SDK1: variants seen among roughly 807,000 people sequenced by gnomAD.
The protein encoded by SDK1 is protein sidekick-1.
SDK1 carries 157 observed loss-of-function variants against 245.5 expected under a neutral mutation model. That is an observed-to-expected ratio of 0.64 (90% confidence interval 0.56 to 0.73). SDK1 has a LOEUF of 0.73. Among genes scored for constraint, SDK1 ranks in the 30% least tolerant of loss-of-function variants. SDK1 has a pLI of 0.00. For synonymous variants in SDK1, 1,647 were observed against 1,278.5 expected (o/e 1.29, Z -6.15); for missense variants, 3,583 against 3,002.3 (o/e 1.19, Z -4.52).
intron 1 of SDK1, among the ~76,000 whole-genome samples, chr7:3,498,918 G>A (rs1782107608): frequency 6.6e-6 from 1 of 152,116 alleles, no homozygotes; most frequent in Admixed American, 6.6e-5. Context: ...GGGCATAAGG[G>A]CAAGTAAGCA....
intron 4 of SDK1, among the ~76,000 whole-genome samples, chr7:3,817,825 G>T (rs1353596148): frequency 2.0e-5 from 3 of 152,186 alleles, no homozygotes; most frequent in Admixed American, 2.0e-4. Context: ...CCTCAGGAGA[G>T]TGTTGGAGAA....
chr7:3,634,679 C>T (rs1433410722), intron 2 of SDK1, among the ~76,000 whole-genome samples: 2 of 152,176 alleles, frequency 1.3e-5, no homozygotes, highest in Non-Finnish European at 2.9e-5. Context: ...TGAATATTCC[C>T]ATCTGTTAGG....
intron 22 of SDK1, among the ~76,000 whole-genome samples, chr7:4,094,791 C>G (rs1391400927): frequency 1.3e-5 from 2 of 152,156 alleles, no homozygotes; most frequent in African/African-American, 2.4e-5. Context: ...AGCCTAAGAC[C>G]TGACCTCTCC....
intron 14 of SDK1, among the ~76,000 whole-genome samples, chr7:3,998,754 G>A (rs1784859557): frequency 1.3e-5 from 2 of 152,210 alleles, no homozygotes; most frequent in Non-Finnish European, 2.9e-5. Context: ...ATGTGCGGGA[G>A]GAACAACACC....
At chr7:3,961,589 G>C (rs895052241) in intron 8 of SDK1, among the ~76,000 whole-genome samples, 1 of 152,184 alleles carries the variant, frequency 6.6e-6, no homozygotes, top group Non-Finnish European at 1.5e-5. Context: ...AGCTTTTCCT[G>C]TATCCACAAT....
rs949522243 is a variant in SDK1 at position 3,823,561 on chromosome 7, G to C, written c.847+1978G>C. Among the ~76,000 whole-genome samples the C allele has an allele frequency of 2.6e-5, 4 of 152,300 alleles. 1 individual carries two copies. The East Asian group carries it at 7.7e-4, about 29-fold the overall frequency. ...GTACTAGCGTAATACCATGGTGTTA[G>C]ATAATTGGAATATGTAAATTTTTTT... On this transcript the variant is annotated intron_variant, in intron 5 of 44. Transcript: ENST00000404826.
intron 19 of SDK1, among the ~76,000 whole-genome samples, chr7:4,053,260 C>T (rs549626901): frequency 9.2e-5 from 14 of 152,036 alleles, no homozygotes; most frequent in East Asian, 1.9e-4. Context: ...CCAGCCTCAC[C>T]GCACTCCCAG....
At chr7:4,084,340 A>T (rs2128180783) in intron 22 of SDK1, among the ~76,000 whole-genome samples, 1 of 152,172 alleles carries the variant, frequency 6.6e-6, no homozygotes, top group South Asian at 2.1e-4. Context: ...GGTTTCAGTC[A>T]CCTGCAGTCA....
At chr7:3,494,802 CTG>C (rs1781973497) in intron 1 of SDK1, among the ~76,000 whole-genome samples, 1 of 152,180 alleles carries the variant, frequency 6.6e-6, no homozygotes, top group Admixed American at 6.5e-5. Flanking sequence ...TGCTGTGTAA[CTG>C]AGGGATTTCT....
intron 23 of SDK1, 76 bp from the exon 24 acceptor site, chr7:4,113,213 C>T (rs1407943234): frequency 6.7e-7 from 1 of 1,488,624 alleles, no homozygotes; most frequent in African/African-American, 1.4e-5. Context: ...GAGAAACAGT[C>T]AGCGCCTTTG....
chr7:4,267,375 G>T lies in SDK1; in HGVS notation c.*1991G>T. 1 of 984,636 alleles carries T rather than the reference G, an allele frequency of 1.0e-6. No homozygotes were observed. The highest frequency in any genetic ancestry group is 1.2e-6 in the Non-Finnish European group (1 of 829,694). The allele number at this position is 984,636 out of a possible 1,614,324, so 61.0% of individuals were successfully genotyped here. ...TCTCCTCCTTTTTCTGAGTGGAGGGGGAAATATTCTAAACCAAAAATCCTA... is the reference window on the plus strand; with the variant it reads ...TCTCCTCCTTTTTCTGAGTGGAGGGTGAAATATTCTAAACCAAAAATCCTA... On this transcript the variant is annotated 3_prime_UTR_variant, in exon 45 of 45. Coordinates refer to ENST00000404826, the MANE Select transcript of SDK1 (RefSeq NM_152744.4).
chr7:3,520,552 T>C (rs1205001214), intron 1 of SDK1, among the ~76,000 whole-genome samples: 2 of 152,232 alleles, frequency 1.3e-5, no homozygotes, highest in Non-Finnish European at 2.9e-5. Flanking sequence ...CTCTTACTTA[T>C]ATCAAAAGCA....
chr7:3,405,030 G>GGTGT (rs1283402948), intron 1 of SDK1, among the ~76,000 whole-genome samples: 2 of 151,984 alleles, frequency 1.3e-5, no homozygotes, highest in Non-Finnish European at 2.9e-5. Flanking sequence ...GTTGCCAGAG[G>GGTGT]GTGTGGGTTC....
chr7:3,606,826 T>C (rs1781440267), intron 1 of SDK1, among the ~76,000 whole-genome samples: 1 of 150,920 alleles, frequency 6.6e-6, no homozygotes, highest in Admixed American at 6.7e-5. Context: ...TCTGTTATTA[T>C]TCTGTATGTG....
chr7:4,007,244 C>G (rs1785551093), intron 14 of SDK1, among the ~76,000 whole-genome samples: 1 of 152,144 alleles, frequency 6.6e-6, no homozygotes, highest in South Asian at 2.1e-4. Flanking sequence ...ACCACTGTTA[C>G]CGGGGGCTGG....
intron 13 of SDK1, among the ~76,000 whole-genome samples, chr7:3,975,951 T>C (rs1782917427): frequency 7.2e-6 from 1 of 138,914 alleles, no homozygotes; most frequent in African/African-American, 2.7e-5. Flanking sequence ...GGGCTGAGGC[T>C]GCCACGCAGA....
chr7:4,174,154 T>TGA, intron 32 of SDK1, 68 bp from the exon 33 acceptor site: 4 of 1,568,260 alleles, frequency 2.6e-6, no homozygotes, highest in Non-Finnish European at 3.5e-6. Flanking sequence ...GGGGTGGAGG[T>TGA]GAGCCCTGCT....
intron 4 of SDK1, among the ~76,000 whole-genome samples, chr7:3,817,834 A>T (rs1278339256): frequency 6.6e-6 from 1 of 152,148 alleles, no homozygotes; most frequent in East Asian, 1.9e-4. Context: ...AGTGTTGGAG[A>T]ATCAAGTGAA....
At chr7:3,900,590 C>G (rs10281829) in intron 5 of SDK1, among the ~76,000 whole-genome samples, 2,254 of 152,248 alleles carry the variant, frequency 0.015, 63 homozygotes, top group African/African-American at 0.052. Context: ...TTTATTTACC[C>G]TCCCTCTCTT....
Sources: allele counts gnomAD v4.1 joint callset (sites outside exome capture counted in the v4.1 genomes callset), GRCh38; gene constraint gnomAD v4.1.1; transcripts MANE v1.5; gene names NCBI Gene and HGNC (gene_info 2026-07-23, HGNC 2026-07-21).